The following TNKS variants were observed in gnomAD, a reference collection of about 807,000 sequenced individuals.
The protein encoded by TNKS is tankyrase.
TNKS carries 72 observed loss-of-function variants against 135.8 expected under a neutral mutation model. That is an observed-to-expected ratio of 0.53 (90% CI 0.44 to 0.64). The LOEUF (loss-of-function observed/expected upper bound fraction) is 0.64, where lower values mean the gene tolerates loss of function less well. Ranked by LOEUF, TNKS falls within the 30% of genes least tolerant of loss-of-function variation. The pLI is 0.00. For missense variants in TNKS, 1,769 were observed against 1,674.0 expected, an observed-to-expected ratio of 1.06 and a Z score of -0.99; for synonymous variants, 849 against 649.3, an observed-to-expected ratio of 1.31 and a Z score of -4.68.
intron 1 of TNKS, among the ~76,000 whole-genome samples, chr8:9,570,618 C>G (rs988859242): frequency 1.9e-4 from 29 of 152,338 alleles, no homozygotes; most frequent in African/African-American, 6.7e-4. Context: ...AACAAAGGGC[C>G]TCAATCCTCT....
chr8:9,649,878 CTTTTTTTTTTTTTTT>C (rs71201959), intron 3 of TNKS, among the ~76,000 whole-genome samples: 5 of 83,366 alleles, frequency 6.0e-5, no homozygotes, highest in African/African-American at 2.7e-4. Context: ...CTTTTCTTTT[CTTTTTTTTTTTTTTT>C]TTTTTTTTTT....
At chr8:9,759,238 G>A (rs1807013651) in intron 20 of TNKS, among the ~76,000 whole-genome samples, 1 of 152,224 alleles carries the variant, frequency 6.6e-6, no homozygotes, top group South Asian at 2.1e-4. Flanking sequence ...TAGCGTGGCA[G>A]CCAGTTCTTC....
intron 26 of TNKS, among the ~76,000 whole-genome samples, chr8:9,773,724 G>GAAA (rs11431406): frequency 6.7e-6 from 1 of 148,534 alleles, no homozygotes; most frequent in Admixed American, 6.7e-5. Flanking sequence ...TTATTTGAAA[G>GAAA]AAAAAAAAAA....
chr8:9,666,016 C>G (rs550730078), intron 3 of TNKS, among the ~76,000 whole-genome samples: 3 of 152,256 alleles, frequency 2.0e-5, no homozygotes, highest in East Asian at 1.9e-4. Flanking sequence ...AAGTCATGCT[C>G]TGAAACTGAA....
At chr8:9,726,218 C>G (rs955911280) in intron 12 of TNKS, among the ~76,000 whole-genome samples, 2 of 152,058 alleles carry the variant, frequency 1.3e-5, no homozygotes, top group African/African-American at 2.4e-5. Context: ...TGGTGAAAAC[C>G]CATCTCCACA....
chr8:9,747,591 A>G (rs1343794093), intron 17 of TNKS, among the ~76,000 whole-genome samples: 1 of 152,238 alleles, frequency 6.6e-6, no homozygotes, highest in Non-Finnish European at 1.5e-5. Flanking sequence ...AGTAGGTAGA[A>G]AAGAAATGGG....
chr8:9,586,114 T>C (rs1416363001), intron 2 of TNKS, among the ~76,000 whole-genome samples: 1 of 152,182 alleles, frequency 6.6e-6, no homozygotes, highest in Non-Finnish European at 1.5e-5. Context: ...CTGCTTTTAT[T>C]ATCGTGAAAT....
intron 1 of TNKS, among the ~76,000 whole-genome samples, chr8:9,569,777 C>G (rs1797690118): frequency 6.6e-6 from 1 of 152,176 alleles, no homozygotes; most frequent in African/African-American, 2.4e-5. Context: ...CATTATATCT[C>G]TTCGTATTCT....
chr8:9,631,157 T>C (rs947078829), intron 3 of TNKS, among the ~76,000 whole-genome samples: 1 of 152,218 alleles, frequency 6.6e-6, no homozygotes, highest in East Asian at 1.9e-4. Flanking sequence ...CATCTAACCG[T>C]TAACTAGTTC....
chr8:9,707,761 C>T (rs992375991), intron 8 of TNKS, among the ~76,000 whole-genome samples: 3 of 152,110 alleles, frequency 2.0e-5, no homozygotes, highest in African/African-American at 7.2e-5. Flanking sequence ...ATTAATTGTT[C>T]TTTGAAAAAT....
At chr8:9,571,509 G>A (rs987570925) in intron 1 of TNKS, among the ~76,000 whole-genome samples, 1 of 152,134 alleles carries the variant, frequency 6.6e-6, no homozygotes, top group African/African-American at 2.4e-5. Flanking sequence ...CCAGGCTGGA[G>A]TGCAGTGGTG....
At position 9,606,136 on chromosome 8, in the gene TNKS, C is replaced by T. The variant is rs960875152; in HGVS notation, c.899-9446C>T. On this transcript the variant is annotated intron_variant, in intron 2 of 26. Transcript: ENST00000310430. ...TGAGTTAATGTGTTTGTGTGGTGTG[C>T]GGTAAGAGTTATTTTGTGTTTTTTT... Among the ~76,000 whole-genome samples, 39 of 85,828 alleles carry T rather than the reference C, an allele frequency of 4.5e-4. 2 individuals carry two copies. The highest frequency in any genetic ancestry group is 4.2e-4 in the South Asian group (1 of 2,390). The allele number at this position is 85,828 out of a possible 152,430, so 56.3% of individuals were successfully genotyped here. A position where few individuals can be genotyped will look rare whatever the true frequency, so the allele number is the denominator to read the frequency against.
At chr8:9,624,584 C>T (rs1317405782) in intron 3 of TNKS, among the ~76,000 whole-genome samples, 2 of 152,182 alleles carry the variant, frequency 1.3e-5, no homozygotes, top group Non-Finnish European at 2.9e-5. Context: ...AGATATGGGA[C>T]ATTTCTGTCA....
intron 5 of TNKS, among the ~76,000 whole-genome samples, chr8:9,697,869 C>G (rs1487170594): frequency 6.6e-6 from 1 of 152,102 alleles, no homozygotes; most frequent in African/African-American, 2.4e-5. Context: ...TAAAACAGAG[C>G]TACCATTAGG....
At chr8:9,769,696 T>C (rs1451781687) in intron 25 of TNKS, among the ~76,000 whole-genome samples, 1 of 142,368 alleles carries the variant, frequency 7.0e-6, no homozygotes, top group African/African-American at 2.6e-5. Flanking sequence ...CTCGGCTCAC[T>C]GCAAGCTCCA....
chr8:9,567,652 T>C (rs1276417710), intron 1 of TNKS, among the ~76,000 whole-genome samples: 15 of 152,266 alleles, frequency 9.9e-5, no homozygotes, highest in South Asian at 2.1e-4. Flanking sequence ...CTCCTGATCT[T>C]GTGATCTGCC....
intron 3 of TNKS, among the ~76,000 whole-genome samples, chr8:9,678,462 C>G (rs537786888): frequency 3.3e-5 from 5 of 152,314 alleles, no homozygotes; most frequent in East Asian, 1.9e-4. Flanking sequence ...AAGACCAACT[C>G]TATGACCATG....
At chr8:9,649,686 A>ATAGCT (rs1335198419) in intron 3 of TNKS, among the ~76,000 whole-genome samples, 1 of 150,322 alleles carries the variant, frequency 6.7e-6, no homozygotes. Flanking sequence ...TTGCATCCAT[A>ATAGCT]TAGCTTAGCT....
At chr8:9,731,484 A>C (rs1322930176) in intron 14 of TNKS, among the ~76,000 whole-genome samples, 2 of 139,894 alleles carry the variant, frequency 1.4e-5, no homozygotes, top group Non-Finnish European at 3.1e-5. Context: ...AAAAAAAAAA[A>C]CATAGAAATG....
Sources: gnomAD v4.1 joint callset for allele counts (sites outside exome capture counted in the v4.1 genomes callset) on GRCh38, gnomAD v4.1.1 for gene constraint, MANE v1.5 for transcripts, NCBI Gene and HGNC (gene_info 2026-07-23, HGNC 2026-07-21) for gene names.